Variants in EIF4G2 observed in about 807,000 individuals in gnomAD.
The protein encoded by EIF4G2 is eukaryotic translation initiation factor 4 gamma 2, also known as DAP-5.
EIF4G2 carries 8 observed loss-of-function variants against 117.7 expected under a neutral mutation model. The observed-to-expected ratio is 0.07, with a 90% confidence interval of 0.04 to 0.12. EIF4G2 has a LOEUF of 0.12. Ranked by LOEUF, EIF4G2 falls within the 10% of genes least tolerant of loss-of-function variation. The pLI, the probability that EIF4G2 is intolerant of heterozygous loss-of-function variation, is 1.00. For missense variants in EIF4G2, 812 were observed against 1,086.2 expected (o/e 0.75, Z 3.55); for synonymous variants, 413 against 367.8 (o/e 1.12, Z -1.41).
At chr11:10,807,888 G>A (rs1847632566) in intron 1 of EIF4G2, 1 of 1,006,730 alleles carries the variant, frequency 9.9e-7, no homozygotes, top group African/African-American at 1.7e-5. Context: ...GCACTTGCAG[G>A]CGGAAGACCA....
intron 1 of EIF4G2, chr11:10,808,250 C>G (rs1200304088): frequency 4.2e-6 from 5 of 1,179,460 alleles, no homozygotes; most frequent in Non-Finnish European, 4.3e-6. Context: ...CGAAGGGCAG[C>G]CCCTGCCGAC....
At chr11:10,807,748 G>C (rs1847625764) in intron 1 of EIF4G2, 3 of 991,734 alleles carry the variant, frequency 3.0e-6, no homozygotes, top group South Asian at 8.9e-5. Flanking sequence ...TTACTGCCTT[G>C]ACGAGGCCAG....
intron 18 of EIF4G2, 22 bp from the exon 19 acceptor site, chr11:10,799,778 C>G: frequency 6.2e-7 from 1 of 1,606,202 alleles, no homozygotes; most frequent in Non-Finnish European, 8.5e-7. Context: ...AAGCCACCTG[C>G]ATCATCTAAT....
Position 10,802,458 on chromosome 11 carries a change from C to A in EIF4G2, c.997-23G>T, listed in dbSNP as rs1174781783. The A allele has an allele frequency of 1.9e-6, 3 of 1,539,676 alleles. No individual in the cohort carries two copies. In the East Asian group the frequency reaches 6.9e-5, roughly 35 times the overall value. ...ATCCTTTAGAAATGAAGTGAATATG[C>A]ACTTTTTGTCTCTGGACACTATTTC... On this transcript the variant is annotated intron_variant, in intron 11 of 21. Coordinates refer to ENST00000339995, the MANE Select transcript of EIF4G2 (RefSeq NM_001418.4).
At position 10,803,321 on chromosome 11, in the gene EIF4G2, G is replaced by C. The variant is rs1249906171; in HGVS notation, c.814-27C>G. 5 of 1,607,822 alleles carry C rather than the reference G, an allele frequency of 3.1e-6. No homozygotes were observed. Among genetic ancestry groups the C allele is most frequent in the Admixed American group, 1.7e-5 (1 of 59,134 alleles). ...TGATAAGAGAAGAATACATTCATTG[G>C]AAGAGCTAAAGCAAATGTGTTCAAT... is the stretch of plus-strand genomic sequence containing the variant. On this transcript the variant is annotated intron_variant, in intron 9 of 21. Coordinates refer to ENST00000339995, the MANE Select transcript of EIF4G2 (RefSeq NM_001418.4). The surrounding 1 kb of genome is among the most constrained non-coding windows in gnomAD (Gnocchi z 4.0).
At chr11:10,807,862 C>T (rs1847630953) in intron 1 of EIF4G2, 2 of 989,774 alleles carry the variant, frequency 2.0e-6, no homozygotes, top group Admixed American at 6.1e-5. Context: ...GAGAGGGGGC[C>T]GGGTGTACAG....
chr11:10,800,591 A>C lies in EIF4G2; in HGVS notation c.1701T>G (p.Gly567=), dbSNP rs1164480411. The change falls in exon 17 of 22, where the codon GGT becomes GGG. Residue 567 remains glycine, a synonymous_variant. Transcript: ENST00000339995. The stretch of plus-strand genomic sequence containing the variant: ...GTTTAGGAGCCCTCATTTCTCTTAC[A>C]CCATTGACAGCCTCATTTGCATTTC... 1 of 1,614,124 alleles carries C rather than the reference A, an allele frequency of 6.2e-7. No individual in the cohort carries two copies.
In EIF4G2 at chr11:10,797,584, C is replaced by T; in HGVS notation, c.*232G>A. On this transcript the variant is annotated 3_prime_UTR_variant, in exon 22 of 22. Transcript: ENST00000339995. This position sits in a 1 kb window ranked among gnomAD's most constrained non-coding sequence, Gnocchi z 4.5. ...CTTATGATGTAATTATTGCATGCTGCTAATATACTATCTAAACATTAAAGA... is the reference window on the plus strand; with the variant it reads ...CTTATGATGTAATTATTGCATGCTGTTAATATACTATCTAAACATTAAAGA... 1.9e-6 allele frequency: 1 copy of T among 527,940 alleles called. No homozygotes were observed. Among genetic ancestry groups the T allele is most frequent in the Non-Finnish European group, 3.4e-6 (1 of 296,622 alleles). 32.7% of individuals were successfully genotyped at this position (527,940 alleles called of 1,614,324 possible).
chr11:10,808,395 C>A (rs1847657493), intron 1 of EIF4G2: 3 of 1,251,040 alleles, frequency 2.4e-6, no homozygotes. Flanking sequence ...CCGAGCCACG[C>A]TCCCTCGCCG....
intron 4 of EIF4G2, among the ~76,000 whole-genome samples, chr11:10,805,370 G>C (rs1847535603): frequency 6.6e-6 from 1 of 152,128 alleles, no homozygotes; most frequent in Non-Finnish European, 1.5e-5. Flanking sequence ...GGAAATGCTA[G>C]CATGACAGGA....
Position 10,803,046 on chromosome 11 carries a change from C to T in EIF4G2, c.980G>A (p.Arg327His), listed in dbSNP as rs763826258. 12 of 1,609,024 alleles carry T rather than the reference C, an allele frequency of 7.5e-6. No homozygotes were observed. The highest frequency in any genetic ancestry group is 9.3e-6 in the Non-Finnish European group (11 of 1,177,810). ...CAATCTTACTTTTACTGCATCTTGACGAATTTGATTGATCGTCTTTGGTCC... is the reference window on the plus strand; with the variant it reads ...CAATCTTACTTTTACTGCATCTTGATGAATTTGATTGATCGTCTTTGGTCC... Residue 327 changes from arginine to histidine, a missense_variant, in exon 11 of 22, where the codon CGT becomes CAT. This residue lies in a region of EIF4G2 where 154 missense variants were observed against 322.1 expected (regional missense o/e 0.48). Coordinates refer to ENST00000339995, the MANE Select transcript of EIF4G2 (RefSeq NM_001418.4). This position sits in a 1 kb window ranked among gnomAD's most constrained non-coding sequence, Gnocchi z 4.0.
intron 18 of EIF4G2, 165 bp from the exon 19 acceptor site, chr11:10,799,921 A>G: frequency 8.8e-7 from 1 of 1,141,982 alleles, no homozygotes; most frequent in Non-Finnish European, 1.2e-6. Context: ...GGATCAAATG[A>G]AAGTAGTTAA....
Position 10,804,178 on chromosome 11 carries a change from T to C in EIF4G2, c.509A>G (p.Lys170Arg). 6.2e-7 allele frequency: 1 copy of C among 1,614,202 alleles called. No homozygotes were observed. ...TCGGTTTTCAAATTCATCTTGTAATTTGGAAATTAGGAGGCGTCTGAATGT... is the reference window on the plus strand; with the variant it reads ...TCGGTTTTCAAATTCATCTTGTAATCTGGAAATTAGGAGGCGTCTGAATGT... The change falls in exon 7 of 22, where the codon AAA becomes AGA. Residue 170 changes from lysine to arginine, a missense_variant. Lys to Arg is a conservative substitution (Grantham distance 26, BLOSUM62 2). Coordinates refer to ENST00000339995, the MANE Select transcript of EIF4G2 (RefSeq NM_001418.4).
chr11:10,800,976 G>A lies in EIF4G2; in HGVS notation c.1525C>T (p.Pro509Ser). The change falls in exon 15 of 22, where the codon CCA (proline) becomes TCA (serine). Residue 509 changes from proline to serine, a missense_variant. Physicochemically the swap from Pro to Ser is moderately conservative, Grantham distance 74. Around this residue, in one of 4 missense-constraint regions of EIF4G2, gnomAD observed 571 missense variants for 642.3 expected, o/e 0.89. Coordinates refer to ENST00000339995, the MANE Select transcript of EIF4G2 (RefSeq NM_001418.4). ...ATGGTCTGTACCTGTCCCAGAGGTG[G>A]TGTTTGAGTGCGTGGTGGTTGTGCA... is the stretch of plus-strand genomic sequence containing the variant. 2 of 1,614,174 alleles carry A rather than the reference G, an allele frequency of 1.2e-6. No homozygotes were observed. Among genetic ancestry groups the A allele is most frequent in the Non-Finnish European group, 1.7e-6 (2 of 1,180,002 alleles).
Position 10,803,409 on chromosome 11 carries a change from G to A in EIF4G2, c.813+71C>T. ...ATGGCTAAATATGGCAATCCCTTAT[G>A]ATGTCACAAAAATCAATAGCTTGAT... On this transcript the variant is annotated intron_variant, in intron 9 of 21. Transcript: ENST00000339995. The surrounding 1 kb of genome is among the most constrained non-coding windows in gnomAD (Gnocchi z 4.0). 6.4e-7 allele frequency: 1 copy of A among 1,559,490 alleles called. No individual in the cohort carries two copies. Among genetic ancestry groups the A allele is most frequent in the Non-Finnish European group, 8.8e-7 (1 of 1,132,520 alleles).
At chr11:10,807,897 C>T (rs1409996294) in intron 1 of EIF4G2, 1 of 1,009,350 alleles carries the variant, frequency 9.9e-7, no homozygotes, top group Non-Finnish European at 1.2e-6. Context: ...GGCGGAAGAC[C>T]AGGGCCACAA....
chr11:10,804,542 T>C (rs1847506514), intron 5 of EIF4G2, 124 bp from the exon 6 acceptor site: 1 of 1,239,202 alleles, frequency 8.1e-7, no homozygotes, highest in South Asian at 1.7e-5. Flanking sequence ...GTTATACAGA[T>C]TTCATCTAGT....
intron 3 of EIF4G2, chr11:10,806,259 C>T (rs777735913): frequency 4.7e-5 from 30 of 635,250 alleles, no homozygotes; most frequent in Non-Finnish European, 6.9e-5. Context: ...CCAGTTTCTG[C>T]TTTCACTGGT....
In EIF4G2 at chr11:10,808,793, A is replaced by G. The variant is rs1362814898; in HGVS notation, c.-175T>C. On this transcript the variant is annotated 5_prime_UTR_variant, in exon 1 of 22. Transcript: ENST00000339995. The stretch of plus-strand genomic sequence containing the variant: ...GGGAAGGGAGGGGAAAGGGGAACGG[A>G]AAACAAAAAAAAGGGGGAGGGAAGG... 13 of 165,400 alleles carry G rather than the reference A, an allele frequency of 7.9e-5. No homozygotes were observed. Among genetic ancestry groups the G allele is most frequent in the Non-Finnish European group, 1.7e-4 (13 of 74,678 alleles). The allele number at this position is 165,400 out of a possible 1,614,324, so 10.2% of individuals were successfully genotyped here. A position where few individuals can be genotyped will look rare whatever the true frequency, so the allele number is the denominator to read the frequency against.
Sources: gnomAD v4.1 joint callset for allele counts (sites outside exome capture counted in the v4.1 genomes callset) on GRCh38, gnomAD v4.1.1 for gene constraint, gnomAD v4.1.1 regional missense constraint, Gnocchi (gnomAD v3.1) non-coding constraint, MANE v1.5 for transcripts, NCBI Gene and HGNC (gene_info 2026-07-23, HGNC 2026-07-21) for gene names.